Variants in UTP20 observed in about 807,000 individuals in gnomAD.
The protein encoded by UTP20 is UTP20 small subunit processome component.
Under a neutral mutation model 329.5 loss-of-function variants are expected in UTP20, and 164 were observed. The ratio of observed to expected loss-of-function variants is 0.50; its 90% CI spans 0.44 to 0.57. The LOEUF (loss-of-function observed/expected upper bound fraction) is 0.57, where lower values mean the gene tolerates loss of function less well. UTP20 is among the 20% of genes least tolerant of loss of function. The pLI is 0.00. For synonymous variants in UTP20, 1,151 were observed against 1,159.3 expected, an observed-to-expected ratio of 0.99 and a Z score of 0.14; for missense variants, 3,055 against 3,284.2, an observed-to-expected ratio of 0.93 and a Z score of 1.71.
intron 12 of UTP20, among the ~76,000 whole-genome samples, chr12:101,296,871 C>T (rs1007062552): frequency 6.6e-6 from 1 of 152,206 alleles, no homozygotes; most frequent in Non-Finnish European, 1.5e-5. Flanking sequence ...AAGTTAAAAA[C>T]AAAGCTTATT....
intron 38 of UTP20, among the ~76,000 whole-genome samples, chr12:101,348,503 T>G (rs1869405890): frequency 6.6e-6 from 1 of 152,088 alleles, no homozygotes; most frequent in South Asian, 2.1e-4. Context: ...CTTTAAGTAG[T>G]CAATTATCTT....
Position 101,366,677 on chromosome 12 carries a change from T to C in UTP20, c.6245T>C (p.Ile2082Thr). ...AVVSRKTNMH[I>T]FIESGLRLLH... ...GTGAGCAGGAAAACCAACATGCACA[T>C]ATTTATTGAGTCCGGGCTTCGGGTA... The change falls in exon 47 of 62, where the codon ATA (isoleucine) becomes ACA (threonine). Residue 2082 changes from isoleucine (I) to threonine (T), a missense_variant. By Grantham distance (89) the Ile-to-Thr change is moderately conservative. Transcript: ENST00000261637. 6.8e-6 allele frequency: 11 copies of C among 1,614,112 alleles called. No homozygotes were observed. Among genetic ancestry groups the C allele is most frequent in the South Asian group, 1.1e-5 (1 of 91,066 alleles).
chr12:101,361,837 A>G (rs1207444927), intron 43 of UTP20, 125 bp from the exon 44 acceptor site: 1 of 721,438 alleles, frequency 1.4e-6, no homozygotes, highest in African/African-American at 1.8e-5. Flanking sequence ...TCATTTGTCG[A>G]AGCTTCTCCT....
chr12:101,316,383 G>A (rs760142674), intron 21 of UTP20, among the ~76,000 whole-genome samples: 1 of 152,236 alleles, frequency 6.6e-6, no homozygotes, highest in South Asian at 2.1e-4. Context: ...TATGTAATGT[G>A]TGGTTAATTG....
intron 47 of UTP20, among the ~76,000 whole-genome samples, chr12:101,367,475 T>G (rs964168338): frequency 1.3e-5 from 2 of 152,062 alleles, no homozygotes; most frequent in African/African-American, 4.8e-5. Context: ...CACTCTTTGC[T>G]CTACAAAGAT....
At chr12:101,333,200 C>T in intron 27 of UTP20, 101 bp from the exon 28 acceptor site, 4 of 1,140,836 alleles carry the variant, frequency 3.5e-6, no homozygotes, top group East Asian at 2.6e-5. Flanking sequence ...ACAGGATTTC[C>T]AGTTTGATTC....
At position 101,291,840 on chromosome 12, in the gene UTP20, A is replaced by C; in HGVS notation, c.990A>C (p.Val330=). 6.2e-7 allele frequency: 1 copy of C among 1,613,912 alleles called. No individual in the cohort carries two copies. The highest frequency in any genetic ancestry group is 8.5e-7 in the Non-Finnish European group (1 of 1,179,938). The change falls in exon 9 of 62, where the codon GTA becomes GTC. Residue 330 remains valine, a synonymous_variant. Coordinates refer to ENST00000261637, the MANE Select transcript of UTP20 (RefSeq NM_014503.3). ...KRLLETYLIL[V]KHGSGTKIPT... ...TGTTGGAAACATACCTTATACTTGT[A>C]AAACATGGAAGTGGGACAAAGATAC...
chr12:101,377,704 A>C (rs7955776), intron 56 of UTP20, among the ~76,000 whole-genome samples: 1 of 151,960 alleles, frequency 6.6e-6, no homozygotes, highest in Admixed American at 6.6e-5. Flanking sequence ...TTGGGTCTCA[A>C]TGGAGTGGTG....
Position 101,357,806 on chromosome 12 carries a change from G to A in UTP20, c.5691+724G>A, listed in dbSNP as rs75153428. On this transcript the variant is annotated intron_variant, in intron 43 of 61. Coordinates refer to ENST00000261637, the MANE Select transcript of UTP20 (RefSeq NM_014503.3). ...AATATACAGCACTCCAAGTAGTTAC[G>A]TGGTATCTAGCCCCTCGCTGCTCCA... Among the ~76,000 whole-genome samples the A allele has an allele frequency of 2.8e-3, 419 of 152,248 alleles. 5 individuals carry two copies. Among genetic ancestry groups the A allele is most frequent in the African/African-American group, 9.6e-3 (400 of 41,540 alleles).
Position 101,373,766 on chromosome 12 carries a change from A to G in UTP20, c.7130A>G (p.Lys2377Arg), listed in dbSNP as rs1565808163. The G allele has an allele frequency of 1.2e-6, 2 of 1,608,572 alleles. No homozygotes were observed. The highest frequency in any genetic ancestry group is 1.7e-6 in the Non-Finnish European group (2 of 1,178,896). ...DMVTTWFGAK[K>R]RLNRQLAALI... ...GTTACCACTTGGTTTGGAGCAAAAA[A>G]GGTGTGCGTTGCTTTTAGTCACAGT... The change falls in exon 54 of 62, where the codon AAG (lysine) becomes AGG (arginine). Residue 2377 changes from lysine (K) to arginine (R), a missense_variant and splice_region_variant. Lys to Arg is a conservative substitution (Grantham distance 26). This residue lies in a region of UTP20 where 273 missense variants were observed against 363.1 expected (regional missense o/e 0.75). Transcript: ENST00000261637.
Position 101,329,445 on chromosome 12 carries a change from A to G in UTP20, c.3413A>G (p.Glu1138Gly). 3 of 1,611,622 alleles carry G rather than the reference A, an allele frequency of 1.9e-6. 1 individual carries two copies. Among genetic ancestry groups the G allele is most frequent in the Middle Eastern group, 3.3e-4 (2 of 6,052 alleles). The change falls in exon 27 of 62, where the codon GAA becomes GGA. Residue 1138 changes from glutamate to glycine, a missense_variant. By Grantham distance (98) the Glu-to-Gly change is moderately conservative. Transcript: ENST00000261637. ...GTATCACACATCCTTGACCAACGAG[A>G]AAAGGTTAGATTCACTATAGATGCT... is the stretch of plus-strand genomic sequence containing the variant. ...ATVSHILDQR[E>G]KIQLRFINPL...
At chr12:101,339,060 C>T in intron 31 of UTP20, 103 bp downstream of exon 31, 1 of 1,246,746 alleles carries the variant, frequency 8.0e-7, no homozygotes, top group South Asian at 1.7e-5. Context: ...CACCTGTAAT[C>T]CCAGCACTTT....
intron 37 of UTP20, among the ~76,000 whole-genome samples, chr12:101,346,027 T>G (rs1869310986): frequency 6.6e-6 from 1 of 152,056 alleles, no homozygotes; most frequent in Non-Finnish European, 1.5e-5. Context: ...TTGTAACACA[T>G]GGACTGTGTT....
rs111918516 is a variant in UTP20, at chr12:101,337,556, A to G, written c.3642-495A>G. Reference sequence around the variant, plus strand: ...CCTGTCTCCCAACATTGAATGTTCCATATCCTAATCAATAAACGTTTGTTT... The same window carrying G: ...CCTGTCTCCCAACATTGAATGTTCCGTATCCTAATCAATAAACGTTTGTTT... On this transcript the variant is annotated intron_variant, in intron 29 of 61. Transcript: ENST00000261637. Among the ~76,000 whole-genome samples, 492 of 152,336 alleles carry G rather than the reference A, an allele frequency of 3.2e-3. 2 individuals carry two copies. Among genetic ancestry groups the G allele is most frequent in the Middle Eastern group, 6.8e-3 (2 of 294 alleles).
At chr12:101,284,817 A>G (rs965303094) in intron 2 of UTP20, among the ~76,000 whole-genome samples, 3 of 152,168 alleles carry the variant, frequency 2.0e-5, no homozygotes, top group African/African-American at 7.2e-5. Context: ...GTATAGTTGT[A>G]TTCTTCCATA....
chr12:101,342,873 A>G lies in UTP20; in HGVS notation c.4296+36A>G, dbSNP rs754675529. 35 of 1,610,458 alleles carry G rather than the reference A, an allele frequency of 2.2e-5. No individual in the cohort carries two copies. In the East Asian group the frequency reaches 6.2e-4, roughly 29 times the overall value. On this transcript the variant is annotated intron_variant, in intron 34 of 61. Coordinates refer to ENST00000261637, the MANE Select transcript of UTP20 (RefSeq NM_014503.3). ...AGGGTTTCTCTTTGGCTTCAAAAGT[A>G]TTATCATTTTTGTTTACTGAAGATT... is the stretch of plus-strand genomic sequence containing the variant.
At chr12:101,290,957 T>G in intron 8 of UTP20, 69 bp downstream of exon 8, 1 of 1,497,882 alleles carries the variant, frequency 6.7e-7, no homozygotes, top group Admixed American at 2.1e-5. Flanking sequence ...TGCTCTCAGT[T>G]TTGCAAATCA....
chr12:101,293,871 C>T (rs754360400), intron 11 of UTP20, among the ~76,000 whole-genome samples: 2 of 152,020 alleles, frequency 1.3e-5, no homozygotes, highest in Non-Finnish European at 2.9e-5. Flanking sequence ...CTCCCGTGTT[C>T]CCTTTGGTCT....
intron 38 of UTP20, among the ~76,000 whole-genome samples, chr12:101,349,610 A>G (rs1348200508): frequency 1.3e-5 from 2 of 151,436 alleles, no homozygotes; most frequent in Non-Finnish European, 2.9e-5. Context: ...GACTAATTTT[A>G]TTATATTTTT....
Sources: gnomAD v4.1 joint callset for allele counts (sites outside exome capture counted in the v4.1 genomes callset) on GRCh38, gnomAD v4.1.1 for gene constraint, gnomAD v4.1.1 regional missense constraint, MANE v1.5 for transcripts, NCBI Gene and HGNC (gene_info 2026-07-23, HGNC 2026-07-21) for gene names.